LDAH: variants seen among roughly 807,000 people sequenced by gnomAD.
LDAH encodes lipid droplet-associated hydrolase.
LDAH carries 26 observed loss-of-function variants against 29.6 expected under a neutral mutation model. The observed-to-expected ratio is 0.88, with a 90% CI of 0.64 to 1.22. LDAH has a LOEUF of 1.22. Among genes scored for constraint, LDAH ranks in the 50% most tolerant of loss-of-function variants. LDAH has a pLI of 0.00. For synonymous variants in LDAH, 117 were observed against 133.0 expected (o/e 0.88, Z 0.83); for missense variants, 344 against 387.3 (o/e 0.89, Z 0.94).
intron 1 of LDAH, among the ~76,000 whole-genome samples, chr2:20,803,213 C>T (rs1671827490): frequency 1.3e-5 from 2 of 152,184 alleles, no homozygotes; most frequent in South Asian, 4.1e-4. Context: ...AATGCCAAGG[C>T]TGAAAAACAA....
At chr2:20,743,843 A>G (rs1667380740) in intron 4 of LDAH, among the ~76,000 whole-genome samples, 1 of 149,832 alleles carries the variant, frequency 6.7e-6, no homozygotes, top group South Asian at 2.1e-4. Flanking sequence ...CCCCTTATGC[A>G]TATGTTTCAC....
At chr2:20,707,561 G>C (rs188716644) in intron 5 of LDAH, among the ~76,000 whole-genome samples, 2 of 152,250 alleles carry the variant, frequency 1.3e-5, no homozygotes, top group Admixed American at 6.5e-5. Context: ...TGTAGAAGGA[G>C]AAAGCTGTAG....
chr2:20,710,323 G>C (rs1238783724), intron 5 of LDAH, among the ~76,000 whole-genome samples: 1 of 151,892 alleles, frequency 6.6e-6, no homozygotes, highest in African/African-American at 2.4e-5. Flanking sequence ...CATGAATGTA[G>C]ACACCTTGGA....
intron 1 of LDAH, among the ~76,000 whole-genome samples, chr2:20,807,528 G>T (rs1275546613): frequency 6.6e-6 from 1 of 151,992 alleles, no homozygotes; most frequent in South Asian, 2.1e-4. Context: ...GAAATGAGAA[G>T]TTGTTTAAAT....
chr2:20,748,334 G>T (rs538564620), intron 4 of LDAH, among the ~76,000 whole-genome samples: 10 of 152,198 alleles, frequency 6.6e-5, no homozygotes, highest in African/African-American at 2.4e-4. Context: ...TCATGTCACG[G>T]TTGTTAATAA....
chr2:20,696,072 C>A (rs954417535), intron 6 of LDAH, among the ~76,000 whole-genome samples: 1 of 152,198 alleles, frequency 6.6e-6, no homozygotes, highest in Non-Finnish European at 1.5e-5. Context: ...TATCTATTTT[C>A]AGGATGATTA....
chr2:20,756,576 T>A (rs1310844653), intron 4 of LDAH, among the ~76,000 whole-genome samples: 5 of 151,984 alleles, frequency 3.3e-5, no homozygotes, highest in Admixed American at 2.6e-4. Context: ...GAACAAGAAA[T>A]TCCTTAGAAA....
intron 4 of LDAH, among the ~76,000 whole-genome samples, chr2:20,743,292 T>G (rs9967685): frequency 0.04 from 5,975 of 150,976 alleles, 144 homozygotes; most frequent in Middle Eastern, 0.078. Flanking sequence ...AATATCCATT[T>G]ACAACTAGTC....
At chr2:20,748,134 C>A (rs1667705571) in intron 4 of LDAH, among the ~76,000 whole-genome samples, 2 of 152,120 alleles carry the variant, frequency 1.3e-5, no homozygotes, top group South Asian at 4.1e-4. Context: ...AGCATGAGAT[C>A]TTTCAACTAC....
intron 3 of LDAH, among the ~76,000 whole-genome samples, chr2:20,775,329 C>T (rs1363978316): frequency 6.6e-6 from 1 of 152,144 alleles, no homozygotes. Context: ...TTAGCTTAGG[C>T]CAGTGGTTCT....
At chr2:20,717,476 TC>T (rs1665304399) in intron 5 of LDAH, among the ~76,000 whole-genome samples, 1 of 152,158 alleles carries the variant, frequency 6.6e-6, no homozygotes, top group South Asian at 2.1e-4. Context: ...GAAAAAGTAC[TC>T]ACCCTCATTA....
chr2:20,739,998 A>G lies in LDAH; in HGVS notation c.676T>C (p.Leu226=), dbSNP rs1424395392. Residue 226 remains leucine, a synonymous_variant, in exon 5 of 7, where the codon TTG becomes CTG. Coordinates refer to ENST00000237822, the MANE Select transcript of LDAH (RefSeq NM_021925.4). ...VMNLENEFSP[L]NILEPFCLAN... ...AGGCAGAATGGTTCTAATATATTCA[A>G]TGGTGAAAATTCATTCTCTAGGTTC... 1 of 1,613,854 alleles carries G rather than the reference A, an allele frequency of 6.2e-7. No individual in the cohort carries two copies. Among genetic ancestry groups the G allele is most frequent in the South Asian group, 1.1e-5 (1 of 91,078 alleles).
chr2:20,753,710 GCC>G (rs1379876693), intron 4 of LDAH, among the ~76,000 whole-genome samples: 1 of 152,156 alleles, frequency 6.6e-6, no homozygotes, highest in Admixed American at 6.5e-5. Context: ...CGGCCTTAAA[GCC>G]TTTGTAATAA....
chr2:20,820,124 C>G (rs1283768296), intron 1 of LDAH, among the ~76,000 whole-genome samples: 28 of 151,970 alleles, frequency 1.8e-4, no homozygotes, highest in African/African-American at 6.3e-4. Flanking sequence ...AGGACACAAA[C>G]AAATGGAAGA....
At chr2:20,720,652 C>T (rs924875122) in intron 5 of LDAH, among the ~76,000 whole-genome samples, 5 of 151,832 alleles carry the variant, frequency 3.3e-5, no homozygotes, top group South Asian at 4.2e-4. Flanking sequence ...CAAAAGACGC[C>T]GAATTGCTAA....
chr2:20,791,170 T>G (rs1223789538), intron 2 of LDAH, among the ~76,000 whole-genome samples: 1 of 152,214 alleles, frequency 6.6e-6, no homozygotes, highest in African/African-American at 2.4e-5. Flanking sequence ...TTCTACTCCA[T>G]TTTTATATCT....
At position 20,774,565 on chromosome 2, in the gene LDAH, C is replaced by T. The variant is rs868634339; in HGVS notation, c.468+245G>A. Among the ~76,000 whole-genome samples, 5 of 152,324 alleles carry T rather than the reference C, an allele frequency of 3.3e-5. No homozygotes were observed. In the Middle Eastern group the frequency reaches 0.014, roughly 414 times the overall value. On this transcript the variant is annotated intron_variant, in intron 4 of 6. Coordinates refer to ENST00000237822, the MANE Select transcript of LDAH (RefSeq NM_021925.4). ...GTGTAACATAAGAACTCCGATAACC[C>T]TAGATTCAAAGGCATTCTTTCAGAA...
At chr2:20,693,768 C>T (rs1572407073) in intron 6 of LDAH, among the ~76,000 whole-genome samples, 1 of 152,256 alleles carries the variant, frequency 6.6e-6, no homozygotes, top group South Asian at 2.1e-4. Flanking sequence ...CCTGTGGGTT[C>T]TTGCAGCAGT....
chr2:20,820,820 G>A (rs1189832934), intron 1 of LDAH, among the ~76,000 whole-genome samples: 1 of 139,948 alleles, frequency 7.1e-6, no homozygotes, highest in Non-Finnish European at 1.5e-5. Flanking sequence ...CCATCAGAGT[G>A]AACAGGCAAC....
Sources: allele counts gnomAD v4.1 joint callset (sites outside exome capture counted in the v4.1 genomes callset), GRCh38; gene constraint gnomAD v4.1.1; transcripts MANE v1.5; gene names NCBI Gene and HGNC (gene_info 2026-07-23, HGNC 2026-07-21).